Variants in PKP4 observed in about 807,000 individuals in gnomAD.
The protein encoded by PKP4 is plakophilin 4, also known as plakophilin-4.
PKP4 carries 90 observed loss-of-function variants against 145.1 expected under a neutral mutation model. That is an observed-to-expected ratio of 0.62 (90% CI 0.52 to 0.74). PKP4 has a LOEUF of 0.74. PKP4 is among the 30% of genes least tolerant of loss of function. The pLI, the probability that PKP4 is intolerant of heterozygous loss-of-function variation, is 0.00. For synonymous variants in PKP4, 563 were observed against 577.2 expected (o/e 0.98, Z 0.35); for missense variants, 1,340 against 1,482.7 (o/e 0.90, Z 1.58).
intron 2 of PKP4, among the ~76,000 whole-genome samples, chr2:158,555,309 A>G (rs1382319178): frequency 1.3e-5 from 2 of 152,226 alleles, no homozygotes; most frequent in African/African-American, 4.8e-5. Context: ...CCTGCCTAGC[A>G]GGCTTTAGGG....
chr2:158,474,606 C>T (rs1380018616), intron 1 of PKP4, among the ~76,000 whole-genome samples: 1 of 152,112 alleles, frequency 6.6e-6, no homozygotes, highest in Non-Finnish European at 1.5e-5. Flanking sequence ...AATTTACTGC[C>T]TGTTTCCCAT....
At chr2:158,523,825 C>T (rs1411171152) in intron 1 of PKP4, among the ~76,000 whole-genome samples, 4 of 133,480 alleles carry the variant, frequency 3.0e-5, no homozygotes, top group East Asian at 4.4e-4. Context: ...TCGAGAACTA[C>T]GTGAAGAATG....
At chr2:158,590,008 A>G (rs1574654145) in intron 3 of PKP4, among the ~76,000 whole-genome samples, 1 of 152,282 alleles carries the variant, frequency 6.6e-6, no homozygotes. Context: ...GGGGACAAAC[A>G]TGACAAGTTT....
chr2:158,561,385 C>T (rs2046500795), intron 2 of PKP4, among the ~76,000 whole-genome samples: 2 of 152,182 alleles, frequency 1.3e-5, no homozygotes, highest in Non-Finnish European at 2.9e-5. Context: ...CTCTCACACA[C>T]CTTAGGTCTT....
At chr2:158,593,316 G>A (rs1348589344) in intron 3 of PKP4, among the ~76,000 whole-genome samples, 1 of 152,078 alleles carries the variant, frequency 6.6e-6, no homozygotes, top group Non-Finnish European at 1.5e-5. Flanking sequence ...CATCTCAGTT[G>A]CTTTCATTCT....
chr2:158,490,762 T>G (rs1694826833), intron 1 of PKP4, among the ~76,000 whole-genome samples: 2 of 151,550 alleles, frequency 1.3e-5, no homozygotes, highest in African/African-American at 4.9e-5. Context: ...TTTATTCTCC[T>G]TGGCTCTGGA....
intron 1 of PKP4, among the ~76,000 whole-genome samples, chr2:158,507,831 A>G (rs1280728917): frequency 6.6e-6 from 1 of 152,076 alleles, no homozygotes; most frequent in Non-Finnish European, 1.5e-5. Context: ...GCTGTGTAGG[A>G]AAAGCTCTCT....
intron 19 of PKP4, among the ~76,000 whole-genome samples, chr2:158,675,272 A>C (rs2057908465): frequency 6.6e-6 from 1 of 152,122 alleles, no homozygotes; most frequent in African/African-American, 2.4e-5. Context: ...TTTGCGGCCC[A>C]ACACAAATTT....
chr2:158,492,596 C>T (rs576659840), intron 1 of PKP4, among the ~76,000 whole-genome samples: 34 of 152,112 alleles, frequency 2.2e-4, no homozygotes, highest in Non-Finnish European at 4.6e-4. Context: ...GGATACTCTT[C>T]ATCTGTCTTG....
intron 3 of PKP4, among the ~76,000 whole-genome samples, chr2:158,583,211 G>A (rs184305209): frequency 5.3e-5 from 8 of 152,250 alleles, no homozygotes; most frequent in Non-Finnish European, 2.9e-5. Context: ...CATTGATGGG[G>A]TATCATTTTC....
intron 1 of PKP4, among the ~76,000 whole-genome samples, chr2:158,503,890 G>A (rs1236020705): frequency 6.7e-6 from 1 of 149,188 alleles, no homozygotes; most frequent in Non-Finnish European, 1.5e-5. Context: ...TTCTGATTCA[G>A]TAGGTCTGGA....
Position 158,529,708 on chromosome 2 carries a change from C to T in PKP4, c.-5-3472C>T, listed in dbSNP as rs181229991. ...ATGATTCACTCATTTTGCTCTTGAACCTGAAATGCCTACATTTCTTTCCCA... is the reference window on the plus strand; with the variant it reads ...ATGATTCACTCATTTTGCTCTTGAATCTGAAATGCCTACATTTCTTTCCCA... On this transcript the variant is annotated intron_variant, in intron 1 of 21. Transcript: ENST00000389759. Among the ~76,000 whole-genome samples the T allele has an allele frequency of 9.9e-4, 151 of 152,298 alleles. 1 individual carries two copies. Among genetic ancestry groups the T allele is most frequent in the African/African-American group, 3.4e-3 (141 of 41,574 alleles).
intron 19 of PKP4, among the ~76,000 whole-genome samples, chr2:158,675,373 G>A (rs2057919799): frequency 6.6e-6 from 1 of 151,354 alleles, no homozygotes; most frequent in South Asian, 2.1e-4. Flanking sequence ...TTTTATGTGT[G>A]GCCCAAGATA....
intron 2 of PKP4, among the ~76,000 whole-genome samples, chr2:158,565,619 G>A (rs1014461187): frequency 3.3e-5 from 5 of 151,964 alleles, no homozygotes; most frequent in Non-Finnish European, 7.4e-5. Context: ...AGGAGAGTCG[G>A]AGAAAAACAG....
At chr2:158,476,780 A>G (rs1402460332) in intron 1 of PKP4, among the ~76,000 whole-genome samples, 1 of 152,134 alleles carries the variant, frequency 6.6e-6, no homozygotes, top group Non-Finnish European at 1.5e-5. Flanking sequence ...ACAGAGCAGC[A>G]CAAAAGAAGA....
chr2:158,562,344 A>C (rs530710481), intron 2 of PKP4, among the ~76,000 whole-genome samples: 3 of 152,260 alleles, frequency 2.0e-5, no homozygotes, highest in Non-Finnish European at 4.4e-5. Flanking sequence ...TAAATTCTGT[A>C]AACCTTGAGG....
chr2:158,591,674 A>G (rs559604664), intron 3 of PKP4, among the ~76,000 whole-genome samples: 38 of 152,254 alleles, frequency 2.5e-4, no homozygotes, highest in African/African-American at 9.1e-4. Context: ...TAGTATGGTT[A>G]TATTTCTTAC....
chr2:158,553,907 T>G (rs1009466310), intron 2 of PKP4, among the ~76,000 whole-genome samples: 4 of 152,218 alleles, frequency 2.6e-5, no homozygotes, highest in Non-Finnish European at 5.9e-5. Context: ...TTTTGAGTGA[T>G]GAAATTTATG....
intron 1 of PKP4, among the ~76,000 whole-genome samples, chr2:158,481,163 A>G (rs1034857755): frequency 2.0e-5 from 3 of 152,116 alleles, no homozygotes; most frequent in Non-Finnish European, 2.9e-5. Flanking sequence ...AGCTCAAGCA[A>G]TCCTCCCACC....
Sources: allele counts gnomAD v4.1 joint callset (sites outside exome capture counted in the v4.1 genomes callset), GRCh38; gene constraint gnomAD v4.1.1; transcripts MANE v1.5; gene names NCBI Gene and HGNC (gene_info 2026-07-23, HGNC 2026-07-21).